The following STXBP6 variants were observed in gnomAD, a reference collection of about 807,000 sequenced individuals.
The protein encoded by STXBP6 is syntaxin binding protein 6, also known as syntaxin-binding protein 6.
In STXBP6, 21 loss-of-function variants were observed where a neutral mutation model predicts 26.9. The observed-to-expected ratio is 0.78, with a 90% CI of 0.55 to 1.12. The LOEUF (loss-of-function observed/expected upper bound fraction) is 1.12. STXBP6 is among the 50% of genes most tolerant of loss of function. The pLI is 0.00. For missense variants in STXBP6, 232 were observed against 257.9 expected, an observed-to-expected ratio of 0.90 and a Z score of 0.69; for synonymous variants, 97 against 92.6, an observed-to-expected ratio of 1.05 and a Z score of -0.27.
chr14:25,027,989 G>A (rs1461960644), intron 1 of STXBP6, among the ~76,000 whole-genome samples: 3 of 152,198 alleles, frequency 2.0e-5, no homozygotes, highest in African/African-American at 7.2e-5. Flanking sequence ...AGGTGATGAA[G>A]CTGCAGAAGA....
chr14:24,966,196 T>C (rs940616535), intron 2 of STXBP6, among the ~76,000 whole-genome samples: 2 of 152,176 alleles, frequency 1.3e-5, no homozygotes, highest in Admixed American at 1.3e-4. Flanking sequence ...CCATCTGGTT[T>C]TAGTATTGGA....
chr14:24,987,858 G>A (rs2074371664), intron 1 of STXBP6: 3 of 985,528 alleles, frequency 3.0e-6, no homozygotes, highest in Non-Finnish European at 3.6e-6. Context: ...AAAGAGCAGA[G>A]CAAAGCTGGA....
At chr14:25,023,651 A>C (rs2075298416) in intron 1 of STXBP6, among the ~76,000 whole-genome samples, 1 of 151,966 alleles carries the variant, frequency 6.6e-6, no homozygotes, top group Non-Finnish European at 1.5e-5. Flanking sequence ...TCTTAAAAGA[A>C]AAAAAAATTA....
At chr14:24,851,663 A>G (rs2069161759) in intron 4 of STXBP6, among the ~76,000 whole-genome samples, 1 of 152,092 alleles carries the variant, frequency 6.6e-6, no homozygotes, top group African/African-American at 2.4e-5. Context: ...TTCTGTTTAC[A>G]ATAAACACAG....
chr14:24,938,756 C>T (rs535179909), intron 2 of STXBP6, among the ~76,000 whole-genome samples: 21 of 152,196 alleles, frequency 1.4e-4, no homozygotes, highest in South Asian at 4.1e-4. Context: ...TCCTCCATAA[C>T]GATCTGCTCC....
chr14:25,005,249 T>C (rs1005470424), intron 1 of STXBP6, among the ~76,000 whole-genome samples: 8 of 152,182 alleles, frequency 5.3e-5, no homozygotes, highest in Non-Finnish European at 1.2e-4. Flanking sequence ...ACAATATACA[T>C]ACTTTTGAAA....
At chr14:25,011,393 T>C (rs552104927) in intron 1 of STXBP6, among the ~76,000 whole-genome samples, 1 of 152,328 alleles carries the variant, frequency 6.6e-6, no homozygotes, top group South Asian at 2.1e-4. Flanking sequence ...TCCTCTCCTG[T>C]ATATGCACTA....
intron 2 of STXBP6, among the ~76,000 whole-genome samples, chr14:24,953,978 A>T (rs1012243175): frequency 6.6e-6 from 1 of 152,206 alleles, no homozygotes; most frequent in Admixed American, 6.5e-5. Context: ...AACTCCCAGG[A>T]TGGGCTGAGG....
chr14:24,871,933 T>G (rs1272789062), intron 2 of STXBP6, among the ~76,000 whole-genome samples: 2 of 152,164 alleles, frequency 1.3e-5, no homozygotes. Flanking sequence ...AATAATCTGG[T>G]GCCTCCATCT....
intron 2 of STXBP6, among the ~76,000 whole-genome samples, chr14:24,873,944 A>G (rs746504452): frequency 5.9e-5 from 9 of 152,186 alleles, no homozygotes; most frequent in Non-Finnish European, 1.2e-4. Context: ...CCTTGGATAG[A>G]CAGATGCCTT....
At chr14:24,818,622 GA>G (rs1487837187) in intron 5 of STXBP6, among the ~76,000 whole-genome samples, 4 of 152,200 alleles carry the variant, frequency 2.6e-5, no homozygotes, top group Non-Finnish European at 4.4e-5. Flanking sequence ...CTCAGGATGA[GA>G]AAGGGACAGG....
intron 2 of STXBP6, among the ~76,000 whole-genome samples, chr14:24,910,626 T>C (rs1176275655): frequency 6.6e-6 from 1 of 152,234 alleles, no homozygotes; most frequent in African/African-American, 2.4e-5. Flanking sequence ...CAATGTTACA[T>C]AGCCTAGCAG....
chr14:25,044,115 G>A (rs775665514), intron 1 of STXBP6, among the ~76,000 whole-genome samples: 12 of 141,516 alleles, frequency 8.5e-5, no homozygotes, highest in Admixed American at 7.5e-4. Context: ...AGGCTGCAGT[G>A]AGGAGAAATT....
chr14:24,942,364 C>T (rs144878154), intron 2 of STXBP6, among the ~76,000 whole-genome samples: 131 of 152,336 alleles, frequency 8.6e-4, no homozygotes, highest in African/African-American at 3.0e-3. Flanking sequence ...TCAACAACTT[C>T]ATCCAGAGAT....
intron 2 of STXBP6, among the ~76,000 whole-genome samples, chr14:24,930,093 T>C (rs534516000): frequency 2.6e-5 from 4 of 152,372 alleles, no homozygotes; most frequent in African/African-American, 7.2e-5. Flanking sequence ...AGACTTGCTA[T>C]GCTTCTGTTA....
chr14:24,878,095 T>C (rs377240938), intron 2 of STXBP6, among the ~76,000 whole-genome samples: 12 of 152,306 alleles, frequency 7.9e-5, no homozygotes, highest in African/African-American at 2.9e-4. Flanking sequence ...TAATGGTTTC[T>C]AGTGGTTTTT....
chr14:25,033,056 AG>A lies in STXBP6; in HGVS notation c.-33+16821del, dbSNP rs370849063. ...CTCCTGTTCTAATCCATCAAACAAA[AG>A]GTACATGAGTGGCTATTATAAGTAA... On this transcript the variant is annotated intron_variant, in intron 1 of 5. Transcript: ENST00000323944. 1.8e-3 allele frequency among the ~76,000 whole-genome samples: 271 copies of A among 152,308 alleles called. 1 individual carries two copies. The highest frequency in any genetic ancestry group is 8.9e-3 in the South Asian group (43 of 4,820).
chr14:25,041,879 T>G (rs943431380), intron 1 of STXBP6, among the ~76,000 whole-genome samples: 1 of 152,164 alleles, frequency 6.6e-6, no homozygotes, highest in Non-Finnish European at 1.5e-5. Flanking sequence ...TTCTTCAAAG[T>G]CATCAGGCGT....
At chr14:24,978,552 G>T (rs939107823) in intron 1 of STXBP6, among the ~76,000 whole-genome samples, 1 of 152,168 alleles carries the variant, frequency 6.6e-6, no homozygotes, top group Non-Finnish European at 1.5e-5. Context: ...GTACACCAAT[G>T]ATCACTAGTT....
Sources: allele counts gnomAD v4.1 joint callset (sites outside exome capture counted in the v4.1 genomes callset), GRCh38; gene constraint gnomAD v4.1.1; transcripts MANE v1.5; gene names NCBI Gene and HGNC (gene_info 2026-07-23, HGNC 2026-07-21).